The following COL28A1 variants were observed in gnomAD, a reference collection of about 807,000 sequenced individuals.
COL28A1 encodes the protein collagen alpha-1(XXVIII) chain.
Under a neutral mutation model 150.2 loss-of-function variants are expected in COL28A1, and 161 were observed. The ratio of observed to expected loss-of-function variants is 1.07; its 90% CI spans 0.94 to 1.22. The LOEUF (loss-of-function observed/expected upper bound fraction) is 1.22, where lower values mean the gene tolerates loss of function less well. COL28A1 is among the 50% of genes most tolerant of loss of function. The pLI, the probability that COL28A1 is intolerant of heterozygous loss-of-function variation, is 0.00. For synonymous variants in COL28A1, 552 were observed against 469.7 expected (o/e 1.18, Z -2.26); for missense variants, 1,617 against 1,388.3 (o/e 1.16, Z -2.62).
chr7:7,377,733 C>T (rs1037873833), intron 30 of COL28A1, among the ~76,000 whole-genome samples: 6 of 147,412 alleles, frequency 4.1e-5, no homozygotes, highest in African/African-American at 1.5e-4. Context: ...GAGAAGAGCT[C>T]TGGTGGAACT....
intron 15 of COL28A1, among the ~76,000 whole-genome samples, chr7:7,459,527 C>A (rs1787437668): frequency 6.6e-6 from 1 of 152,204 alleles, no homozygotes. Context: ...TGCTTAAAGG[C>A]TGATATATAA....
intron 33 of COL28A1, among the ~76,000 whole-genome samples, chr7:7,362,799 T>C (rs1436052265): frequency 3.3e-5 from 5 of 152,188 alleles, no homozygotes; most frequent in Admixed American, 2.6e-4. Context: ...ATGTGAACTT[T>C]TAAAAATAAT....
chr7:7,522,770 G>A (rs367971307), intron 4 of COL28A1, among the ~76,000 whole-genome samples: 11 of 111,382 alleles, frequency 9.9e-5, no homozygotes, highest in South Asian at 6.4e-4. Flanking sequence ...CTTGGGCCAC[G>A]CATAAAATAC....
At chr7:7,348,334 T>A in the COL28A1 span, among the ~76,000 whole-genome samples, 8 of 151,960 alleles carry the variant, frequency 5.3e-5, no homozygotes, top group African/African-American at 1.7e-4. Context: ...CCCCTTAAGA[T>A]TAGGAGATGC....
At chr7:7,410,702 G>C (rs979644434) in intron 27 of COL28A1, among the ~76,000 whole-genome samples, 5 of 150,920 alleles carry the variant, frequency 3.3e-5, no homozygotes, top group Admixed American at 6.6e-5. Flanking sequence ...AAACCTTTAA[G>C]TTCAAATGCC....
intron 27 of COL28A1, among the ~76,000 whole-genome samples, chr7:7,405,551 T>G (rs1783447172): frequency 6.6e-6 from 1 of 152,172 alleles, no homozygotes; most frequent in Admixed American, 6.6e-5. Flanking sequence ...AAGGCATAAT[T>G]GCATATGCCT....
At chr7:7,441,671 G>C (rs1785801787) in intron 20 of COL28A1, among the ~76,000 whole-genome samples, 1 of 152,152 alleles carries the variant, frequency 6.6e-6, no homozygotes, top group Non-Finnish European at 1.5e-5. Flanking sequence ...CCTCCACCCA[G>C]AGTTTCTGAT....
chr7:7,511,244 C>A, intron 8 of COL28A1, 109 bp from the exon 9 acceptor site: 2 of 848,480 alleles, frequency 2.4e-6, no homozygotes, highest in South Asian at 1.5e-5. Flanking sequence ...GTAACATAAG[C>A]ACTCTTTTGG....
At chr7:7,519,114 G>T (rs1425198292) in intron 6 of COL28A1, among the ~76,000 whole-genome samples, 6 of 152,184 alleles carry the variant, frequency 3.9e-5, no homozygotes, top group Non-Finnish European at 8.8e-5. Context: ...AAGCAAAGAG[G>T]TTTAATGGAC....
intron 16 of COL28A1, among the ~76,000 whole-genome samples, chr7:7,454,521 G>T (rs1786983304): frequency 6.6e-6 from 1 of 152,086 alleles, no homozygotes; most frequent in Non-Finnish European, 1.5e-5. Flanking sequence ...GAAGAAAAGG[G>T]GGTAAGAAAA....
At chr7:7,515,765 G>GT (rs1781381433) in intron 8 of COL28A1, 49 bp downstream of exon 8, 2 of 858,850 alleles carry the variant, frequency 2.3e-6, no homozygotes, top group Admixed American at 1.8e-5. Context: ...TTATGTTTCT[G>GT]TTTTTCTTTT....
At chr7:7,436,948 G>A (rs1785388011) in intron 22 of COL28A1, among the ~76,000 whole-genome samples, 1 of 152,180 alleles carries the variant, frequency 6.6e-6, no homozygotes, top group Non-Finnish European at 1.5e-5. Context: ...TGAGGCAAGA[G>A]AATCACTTGA....
intron 27 of COL28A1, among the ~76,000 whole-genome samples, chr7:7,396,137 T>C (rs865865523): frequency 2.6e-5 from 4 of 152,174 alleles, no homozygotes; most frequent in Admixed American, 6.5e-5. Context: ...ATTATACATA[T>C]TGATAGAAGG....
intron 25 of COL28A1, among the ~76,000 whole-genome samples, chr7:7,424,647 T>C (rs1583339150): frequency 6.6e-6 from 1 of 152,222 alleles, no homozygotes; most frequent in South Asian, 2.1e-4. Context: ...AGAGTCGCCA[T>C]TGGTAACAAC....
rs747646346 is a variant in COL28A1 at position 7,375,536 on chromosome 7, A to G, written c.2323-39T>C. On this transcript the variant is annotated intron_variant, in intron 30 of 34. Transcript: ENST00000399429. Reference sequence around the variant, plus strand: ...AGAAAAATGTATTACTATATGTATGACTATAATATTTTTCCTAGAGCCATA... The same window carrying G: ...AGAAAAATGTATTACTATATGTATGGCTATAATATTTTTCCTAGAGCCATA... 16 of 1,332,836 alleles carry G rather than the reference A, an allele frequency of 1.2e-5. No individual in the cohort carries two copies. In the Admixed American group the frequency reaches 2.9e-4, roughly 24 times the overall value. 82.6% of individuals were successfully genotyped at this position (1,332,836 alleles called of 1,614,324 possible).
At chr7:7,529,794 G>A (rs1211989697) in intron 3 of COL28A1, among the ~76,000 whole-genome samples, 1 of 152,196 alleles carries the variant, frequency 6.6e-6, no homozygotes, top group East Asian at 1.9e-4. Context: ...TCTCCCACAC[G>A]GGCTGGAGCC....
chr7:7,533,343 T>C (rs538697580), intron 1 of COL28A1, among the ~76,000 whole-genome samples: 123 of 152,208 alleles, frequency 8.1e-4, no homozygotes, highest in African/African-American at 2.9e-3. Flanking sequence ...TCCTGACAAA[T>C]CTAGTATTTT....
At chr7:7,420,615 CTCACAATAA>C (rs1333229680) in intron 25 of COL28A1, among the ~76,000 whole-genome samples, 1 of 152,248 alleles carries the variant, frequency 6.6e-6, no homozygotes. Flanking sequence ...TAATTTAGTA[CTCACAATAA>C]TCTTGCATTA....
At chr7:7,359,523 G>A (rs114572545) in intron 34 of COL28A1, among the ~76,000 whole-genome samples, 1,844 of 152,150 alleles carry the variant, frequency 0.012, 36 homozygotes, top group African/African-American at 0.042. Flanking sequence ...CCTTTTTATT[G>A]TTTGGTACTC....
Sources: allele counts gnomAD v4.1 joint callset (sites outside exome capture counted in the v4.1 genomes callset), GRCh38; gene constraint gnomAD v4.1.1; transcripts MANE v1.5; gene names NCBI Gene and HGNC (gene_info 2026-07-23, HGNC 2026-07-21).